Variants in MARCHF7 observed in about 807,000 individuals in gnomAD.
MARCHF7 encodes membrane associated ring-CH-type finger 7, also known as E3 ubiquitin-protein ligase MARCHF7.
In MARCHF7, 20 loss-of-function variants were observed where a neutral mutation model predicts 76.5. The ratio of observed to expected loss-of-function variants is 0.26; its 90% CI spans 0.18 to 0.38. The LOEUF (loss-of-function observed/expected upper bound fraction) is 0.38, where lower values mean the gene tolerates loss of function less well. MARCHF7 is among the 10% of genes least tolerant of loss of function. MARCHF7 has a pLI of 1.00. For missense variants in MARCHF7, 797 were observed against 812.9 expected (o/e 0.98, Z 0.24); for synonymous variants, 295 against 293.0 (o/e 1.01, Z -0.07).
At chr2:159,719,321 A>G (rs1450728981) in intron 3 of MARCHF7, among the ~76,000 whole-genome samples, 1 of 152,030 alleles carries the variant, frequency 6.6e-6, no homozygotes, top group Non-Finnish European at 1.5e-5. Flanking sequence ...GGAAGCCACC[A>G]CAACCAGCCA....
In MARCHF7 at chr2:159,770,850, T is replaced by A. The variant is rs2125787057; in HGVS notation, c.*3508T>A. The A allele has an allele frequency of 6.8e-6, 1 of 148,102 alleles. No individual in the cohort carries two copies. Among genetic ancestry groups the A allele is most frequent in the Non-Finnish European group, 1.5e-5 (1 of 65,104 alleles). 9.2% of individuals were successfully genotyped at this position (148,102 alleles called of 1,614,324 possible). On this transcript the variant is annotated 3_prime_UTR_variant, in exon 12 of 12. Transcript: ENST00000409175. ...ATTTCTTAGAACGTATCCCCATTGA[T>A]AAGTGATACGTGACTAATTTACGTG...
At chr2:159,762,852 T>C (rs1707283540) in intron 9 of MARCHF7, 28 bp from the exon 10 acceptor site, 2 of 1,417,248 alleles carry the variant, frequency 1.4e-6, no homozygotes, top group Middle Eastern at 1.8e-4. Flanking sequence ...TGTATTTTTC[T>C]TTTCTCCTGT....
At position 159,769,754 on chromosome 2, in the gene MARCHF7, C is replaced by T. The variant is rs1000352494; in HGVS notation, c.*2412C>T. On this transcript the variant is annotated 3_prime_UTR_variant, in exon 12 of 12. Coordinates refer to ENST00000409175, the MANE Select transcript of MARCHF7 (RefSeq NM_001282805.2). ...TAAAGCAGCTATTTTGGAAGAGCTG[C>T]CATTAGGTAGAAAGTATCAAAATGT... 6.6e-6 allele frequency: 1 copy of T among 151,996 alleles called. No homozygotes were observed. The highest frequency in any genetic ancestry group is 1.5e-5 in the Non-Finnish European group (1 of 67,990). The allele number at this position is 151,996 out of a possible 1,614,324, so 9.4% of individuals were successfully genotyped here.
At chr2:159,733,286 G>A (rs1245665576) in intron 4 of MARCHF7, 1 of 724,920 alleles carries the variant, frequency 1.4e-6, no homozygotes, top group Non-Finnish European at 1.7e-6. Flanking sequence ...CACCCAGGTT[G>A]GAGTATAGTA....
In MARCHF7 at chr2:159,748,973, C is replaced by CTTT. The variant is rs1210018083; in HGVS notation, c.1613+72_1613+74dup. The CTTT allele has an allele frequency of 7.5e-4, 515 of 683,958 alleles. 32 individuals carry two copies. Among genetic ancestry groups the CTTT allele is most frequent in the African/African-American group, 4.6e-3 (162 of 34,958 alleles). 42.4% of individuals were successfully genotyped at this position (683,958 alleles called of 1,614,324 possible). A position where few individuals can be genotyped will look rare whatever the true frequency, so the allele number is the denominator to read the frequency against. ...AAAGAACTCTTCATTTCTTTTTTTT[C>CTTT]TTTTCTTTTTTTTTTTTTTTTTTGA... On this transcript the variant is annotated intron_variant, in intron 7 of 11. Coordinates refer to ENST00000409175, the MANE Select transcript of MARCHF7 (RefSeq NM_001282805.2).
intron 5 of MARCHF7, among the ~76,000 whole-genome samples, chr2:159,743,867 C>G (rs1704461226): frequency 6.6e-6 from 1 of 150,938 alleles, no homozygotes; most frequent in African/African-American, 2.4e-5. Context: ...ATGATCATGC[C>G]AATGCACTGT....
chr2:159,759,877 G>C (rs998667563), intron 9 of MARCHF7, among the ~76,000 whole-genome samples: 1 of 152,166 alleles, frequency 6.6e-6, no homozygotes, highest in Admixed American at 6.5e-5. Context: ...CGGGATGACT[G>C]TTTGAGGCCA....
chr2:159,714,620 A>G (rs1700824753), intron 2 of MARCHF7, 22 bp downstream of exon 2: 1 of 152,186 alleles, frequency 6.6e-6, no homozygotes, highest in African/African-American at 2.4e-5. Context: ...CCCGACATAA[A>G]AGACTTTCTG....
At position 159,770,290 on chromosome 2, in the gene MARCHF7, TAC is replaced by T. The variant is rs1403220621; in HGVS notation, c.*2950_*2951del. 1.3e-5 allele frequency: 2 copies of T among 152,172 alleles called. No individual in the cohort carries two copies. Among genetic ancestry groups the T allele is most frequent in the African/African-American group, 4.8e-5 (2 of 41,432 alleles). 9.4% of individuals were successfully genotyped at this position (152,172 alleles called of 1,614,324 possible). On this transcript the variant is annotated 3_prime_UTR_variant, in exon 12 of 12. Coordinates refer to ENST00000409175, the MANE Select transcript of MARCHF7 (RefSeq NM_001282805.2). ...CAAAATCTCAGAAATGTAAAGCTCT[TAC>T]AGAGCATGCTTGTGCTTGTGTAACA... is the stretch of plus-strand genomic sequence containing the variant.
chr2:159,746,828 T>C (rs981246177), intron 6 of MARCHF7, among the ~76,000 whole-genome samples: 5 of 152,256 alleles, frequency 3.3e-5, no homozygotes, highest in African/African-American at 7.2e-5. Context: ...AAATAATGTT[T>C]TGTTTTTAAA....
At chr2:159,733,942 A>G (rs1048245675) in intron 4 of MARCHF7, 1 of 1,254,694 alleles carries the variant, frequency 8.0e-7, no homozygotes, top group Non-Finnish European at 1.0e-6. Flanking sequence ...TTGATTTCCT[A>G]AATATCTTTC....
At chr2:159,717,078 T>G (rs955027847) in intron 3 of MARCHF7, among the ~76,000 whole-genome samples, 6 of 152,180 alleles carry the variant, frequency 3.9e-5, no homozygotes, top group African/African-American at 7.2e-5. Context: ...CTAGTGTTGG[T>G]GGACATATAG....
intron 11 of MARCHF7, among the ~76,000 whole-genome samples, chr2:159,765,034 G>T (rs1176489240): frequency 6.6e-6 from 1 of 151,750 alleles, no homozygotes; most frequent in Admixed American, 6.6e-5. Context: ...TTTCGTTTCT[G>T]GTAAGAAATT....
At chr2:159,716,935 G>GT (rs1460772428) in intron 3 of MARCHF7, among the ~76,000 whole-genome samples, 2 of 152,196 alleles carry the variant, frequency 1.3e-5, no homozygotes, top group African/African-American at 4.8e-5. Context: ...ACTGTTCACT[G>GT]TTTTTTACAG....
chr2:159,747,944 C>T lies in MARCHF7; in HGVS notation c.654C>T (p.Ser218=), dbSNP rs1383277732. The T allele has an allele frequency of 6.2e-7, 1 of 1,613,924 alleles. No individual in the cohort carries two copies. The highest frequency in any genetic ancestry group is 1.3e-5 in the African/African-American group (1 of 74,898). The change falls in exon 7 of 12, where the codon TCC becomes TCT. Residue 218 remains serine (S), a synonymous_variant. Transcript: ENST00000409175. ...AGACCATACTAAGTTCTAGGGACTC[C>T]AGAAATTCTTTAAGATCAAATTTTT... ...EHQTILSSRD[S]RNSLRSNFSS... is the part of the protein sequence containing the mutation.
Position 159,748,687 on chromosome 2 carries a change from C to T in MARCHF7, c.1397C>T (p.Ser466Leu), listed in dbSNP as rs557067129. The T allele has an allele frequency of 2.2e-5, 36 of 1,613,992 alleles. No homozygotes were observed. The highest frequency in any genetic ancestry group is 5.3e-5 in the African/African-American group (4 of 74,922). The change falls in exon 7 of 12, where the codon TCG becomes TTG. Residue 466 changes from serine (S) to leucine (L), a missense_variant. Ser to Leu is a moderately radical substitution (Grantham distance 145). Transcript: ENST00000409175. ...ACAACAGGTGGCTCTACATCAGATT[C>T]GGCTCAAGGTGGAAGAAATACAGGA... is the stretch of plus-strand genomic sequence containing the variant. ...SATTGGSTSD[S>L]AQGGRNTGIS...
intron 4 of MARCHF7, among the ~76,000 whole-genome samples, chr2:159,738,023 C>T (rs1045532022): frequency 5.9e-5 from 9 of 152,202 alleles, no homozygotes; most frequent in African/African-American, 2.2e-4. Flanking sequence ...GCTATCAGCT[C>T]GGATCCCACG....
intron 7 of MARCHF7, among the ~76,000 whole-genome samples, chr2:159,749,489 A>G (rs1705345262): frequency 6.6e-6 from 1 of 151,936 alleles, no homozygotes; most frequent in South Asian, 2.1e-4. Flanking sequence ...CTGGGATTAC[A>G]GGCGCCTGCC....
intron 9 of MARCHF7, among the ~76,000 whole-genome samples, chr2:159,760,150 G>A (rs1405358257): frequency 6.6e-6 from 1 of 152,096 alleles, no homozygotes; most frequent in Admixed American, 6.5e-5. Flanking sequence ...ACCAGTCTGT[G>A]TTGTTTTATG....
Sources: allele counts gnomAD v4.1 joint callset (sites outside exome capture counted in the v4.1 genomes callset), GRCh38; gene constraint gnomAD v4.1.1; transcripts MANE v1.5; gene names NCBI Gene and HGNC (gene_info 2026-07-23, HGNC 2026-07-21).